Variants in FMN2 observed in about 807,000 individuals in gnomAD.
The protein encoded by FMN2 is formin-2.
Under a neutral mutation model 142.3 loss-of-function variants are expected in FMN2, and 51 were observed. The ratio of observed to expected loss-of-function variants is 0.36; its 90% CI spans 0.29 to 0.45. FMN2 has a LOEUF of 0.45. FMN2 is among the 20% of genes least tolerant of loss of function. FMN2 has a pLI of 1.00. For missense variants in FMN2, 1,936 were observed against 2,122.8 expected, an observed-to-expected ratio of 0.91 and a Z score of 1.73; for synonymous variants, 882 against 869.8, an observed-to-expected ratio of 1.01 and a Z score of -0.25.
In FMN2 at chr1:240,168,951, G is replaced by C. The variant is rs1664591065; in HGVS notation, c.1783-8970G>C. Among the ~76,000 whole-genome samples the C allele has an allele frequency of 2.0e-5, 3 of 152,118 alleles. No homozygotes were observed. The South Asian group carries it at 6.2e-4, about 32-fold the overall frequency. On this transcript the variant is annotated intron_variant, in intron 2 of 17. Coordinates refer to ENST00000319653, the MANE Select transcript of FMN2 (RefSeq NM_020066.5). ...CAAATGGCCAGGTGTGGTGGCTCAT[G>C]CCTGTAATCCCAACACTTTGAGAGG...
chr1:240,144,002 C>T, intron 2 of FMN2: 1 of 1,226,884 alleles, frequency 8.2e-7, no homozygotes, highest in Non-Finnish European at 1.2e-6. Context: ...AGCAGGGACA[C>T]ACTCATTCCA....
At chr1:240,428,024 T>G (rs138460343) in intron 15 of FMN2, among the ~76,000 whole-genome samples, 2 of 152,144 alleles carry the variant, frequency 1.3e-5, no homozygotes, top group Non-Finnish European at 2.9e-5. Context: ...AGTTATTCAA[T>G]TGTGTGTTTC....
chr1:240,268,483 C>T (rs577944667), intron 7 of FMN2, among the ~76,000 whole-genome samples: 2 of 152,104 alleles, frequency 1.3e-5, no homozygotes, highest in South Asian at 4.2e-4. Context: ...TAAACATTGT[C>T]TCTGTGCTGT....
intron 7 of FMN2, among the ~76,000 whole-genome samples, chr1:240,293,925 T>G (rs1048555836): frequency 5.3e-5 from 8 of 152,194 alleles, no homozygotes; most frequent in African/African-American, 1.9e-4. Context: ...ATGTGAAACT[T>G]TGAGAGAAGA....
At chr1:240,451,559 T>C (rs989879886) in intron 16 of FMN2, among the ~76,000 whole-genome samples, 6 of 151,958 alleles carry the variant, frequency 3.9e-5, no homozygotes, top group Non-Finnish European at 7.4e-5. Flanking sequence ...CAGGAGGAAA[T>C]GCCAGCAAGC....
chr1:240,182,755 C>T lies in FMN2; in HGVS notation c.1930+4687C>T, dbSNP rs147578208. On this transcript the variant is annotated intron_variant, in intron 3 of 17. Coordinates refer to ENST00000319653, the MANE Select transcript of FMN2 (RefSeq NM_020066.5). ...TAATTGGAAATTTAGCCCTCAGGTG[C>T]AAAGCAGAAAGGGGAATGTGAGTGT... is the stretch of plus-strand genomic sequence containing the variant. Among the ~76,000 whole-genome samples the T allele has an allele frequency of 3.2e-3, 489 of 152,126 alleles. 1 individual carries two copies. The highest frequency in any genetic ancestry group is 0.01 in the African/African-American group (433 of 41,520).
chr1:240,290,784 TTTTTTTTTG>T (rs1558415186), intron 7 of FMN2, among the ~76,000 whole-genome samples: 2 of 103,284 alleles, frequency 1.9e-5, no homozygotes, highest in Non-Finnish European at 3.9e-5. Flanking sequence ...TGTTTGGTTT[TTTTTTTTTG>T]TTTTTTTTTT....
intron 6 of FMN2, among the ~76,000 whole-genome samples, chr1:240,238,530 T>G (rs979618372): frequency 2.6e-5 from 4 of 152,218 alleles, no homozygotes; most frequent in African/African-American, 9.6e-5. Flanking sequence ...CTGCGTGACT[T>G]ATTTAATCTT....
At chr1:240,283,999 C>A (rs1558411182) in intron 7 of FMN2, among the ~76,000 whole-genome samples, 1 of 152,054 alleles carries the variant, frequency 6.6e-6, no homozygotes, top group Non-Finnish European at 1.5e-5. Context: ...CTTCGTCTGG[C>A]CTGGAATGTG....
At chr1:240,422,042 ACTC>A (rs1415850129) in intron 15 of FMN2, among the ~76,000 whole-genome samples, 1 of 151,518 alleles carries the variant, frequency 6.6e-6, no homozygotes, top group Non-Finnish European at 1.5e-5. Flanking sequence ...AGAGCCACCT[ACTC>A]CTCCTGCAGT....
At chr1:240,235,456 G>T (rs1667676275) in intron 6 of FMN2, among the ~76,000 whole-genome samples, 2 of 150,702 alleles carry the variant, frequency 1.3e-5, no homozygotes, top group Non-Finnish European at 2.9e-5. Context: ...CTGTTTTCCA[G>T]GCTGGAGTGC....
intron 2 of FMN2, among the ~76,000 whole-genome samples, chr1:240,169,479 T>C (rs1664616199): frequency 6.6e-6 from 1 of 152,182 alleles, no homozygotes; most frequent in Non-Finnish European, 1.5e-5. Flanking sequence ...TTTTGTTTTG[T>C]TTTTGAGACG....
intron 8 of FMN2, among the ~76,000 whole-genome samples, chr1:240,308,305 G>T (rs1311533140): frequency 6.6e-6 from 1 of 152,198 alleles, no homozygotes; most frequent in Non-Finnish European, 1.5e-5. Flanking sequence ...GTGGGGACTA[G>T]CCCCTCTAGG....
chr1:240,348,736 T>C (rs1371159281), intron 13 of FMN2, among the ~76,000 whole-genome samples: 1 of 152,200 alleles, frequency 6.6e-6, no homozygotes, highest in Non-Finnish European at 1.5e-5. Flanking sequence ...AAATATTTCT[T>C]GTGTCTGTAT....
intron 3 of FMN2, chr1:240,180,316 T>C: frequency 2.4e-6 from 1 of 417,264 alleles, no homozygotes; most frequent in Non-Finnish European, 4.0e-6. Context: ...CTGACGTAAA[T>C]TTGGAGAGAC....
chr1:240,398,350 T>A (rs1364836837), intron 15 of FMN2, among the ~76,000 whole-genome samples: 1 of 152,178 alleles, frequency 6.6e-6, no homozygotes, highest in African/African-American at 2.4e-5. Context: ...TATTTAGTAG[T>A]TCTTGGCTTG....
intron 6 of FMN2, among the ~76,000 whole-genome samples, chr1:240,244,856 A>G (rs937737512): frequency 1.3e-5 from 2 of 152,216 alleles, no homozygotes; most frequent in African/African-American, 4.8e-5. Flanking sequence ...CCATTTTTCC[A>G]AGTTTATTGT....
At position 240,093,591 on chromosome 1, in the gene FMN2, C is replaced by G. The variant is rs768367898; in HGVS notation, c.1482C>G (p.Pro494=). Residue 494 remains proline (P), a synonymous_variant, in exon 1 of 18, where the codon CCC becomes CCG. Transcript: ENST00000319653. ...DWTEELGART[P]RVGGSAHLLE... ...CGGAGGAGCTAGGCGCCCGCACGCC[C>G]CGGGTGGGAGGCTCCGCGCACCTGC... is the stretch of plus-strand genomic sequence containing the variant. 3.5e-6 allele frequency: 5 copies of G among 1,444,580 alleles called. No homozygotes were observed. The highest frequency in any genetic ancestry group is 1.5e-5 in the South Asian group (1 of 66,238). The allele number at this position is 1,444,580 out of a possible 1,614,324, so 89.5% of individuals were successfully genotyped here. A position where few individuals can be genotyped will look rare whatever the true frequency, so the allele number is the denominator to read the frequency against.
chr1:240,241,825 CTTTTTT>C lies in FMN2; in HGVS notation c.4066-16096_4066-16091del, dbSNP rs71567282. On this transcript the variant is annotated intron_variant, in intron 6 of 17. Transcript: ENST00000319653. ...ATTTTCTTTATTTTAGTGTGCCTTG[CTTTTTT>C]TTTTTTTTTTTTTTTTTTTTTTTGA... 4.3e-3 allele frequency among the ~76,000 whole-genome samples: 411 copies of C among 95,878 alleles called. 1 individual carries two copies. Among genetic ancestry groups the C allele is most frequent in the African/African-American group, 0.015 (389 of 25,984 alleles). The allele number at this position is 95,878 out of a possible 152,430, so 62.9% of individuals were successfully genotyped here.
Sources: allele counts gnomAD v4.1 joint callset (sites outside exome capture counted in the v4.1 genomes callset), GRCh38; gene constraint gnomAD v4.1.1; transcripts MANE v1.5; gene names NCBI Gene and HGNC (gene_info 2026-07-23, HGNC 2026-07-21).